The following ZBTB7B variants were observed in gnomAD, a reference collection of about 807,000 sequenced individuals.
ZBTB7B encodes zinc finger and BTB domain-containing protein 7B.
In ZBTB7B, 8 loss-of-function variants were observed where a neutral mutation model predicts 31.0. The ratio of observed to expected loss-of-function variants is 0.26; its 90% CI spans 0.15 to 0.47. The LOEUF is 0.47. Ranked by LOEUF, ZBTB7B falls within the 20% of genes least tolerant of loss-of-function variation. The pLI is 0.99. For synonymous variants in ZBTB7B, 261 were observed against 307.3 expected (o/e 0.85, Z 1.58); for missense variants, 494 against 742.4 (o/e 0.67, Z 3.89).
chr1:155,007,130 C>A (rs115792617), intron 1 of ZBTB7B, among the ~76,000 whole-genome samples: 118 of 152,362 alleles, frequency 7.7e-4, no homozygotes, highest in Non-Finnish European at 2.5e-4. Flanking sequence ...TGCATCCCCC[C>A]ACTTTATTCT....
Position 155,015,577 on chromosome 1 carries a change from A to G in ZBTB7B, c.917A>G (p.Asp306Gly). The stretch of plus-strand genomic sequence containing the variant: ...CTGTCCCCAGAGGAGCTGGGCTCAG[A>G]TGAGGATGCCATCGATCCTGACCTG... ...PPLSPEELGS[D>G]EDAIDPDLMA... Residue 306 changes from aspartate to glycine, a missense_variant, in exon 2 of 3, where the codon GAT becomes GGT. Transcript: ENST00000535420. 1 of 1,613,760 alleles carries G rather than the reference A, an allele frequency of 6.2e-7. No individual in the cohort carries two copies. Among genetic ancestry groups the G allele is most frequent in the Non-Finnish European group, 8.5e-7 (1 of 1,179,932 alleles).
rs776925178 is a variant in ZBTB7B, at chr1:155,016,603, C to G, written c.1538C>G (p.Ser513Cys). ...TCAGCCCCCACTGGGCCCCCGGTCT[C>G]TACCCCAGGGCCCCCTGATGACGAT... ...EQSAPTGPPV[S>C]TPGPPDDDEE... Residue 513 changes from serine (S) to cysteine (C), a missense_variant, in exon 3 of 3, where the codon TCT becomes TGT. Physicochemically the swap from Ser to Cys is moderately radical, Grantham distance 112. Transcript: ENST00000535420. The surrounding 1 kb of genome is among the most constrained non-coding windows in gnomAD (Gnocchi z 4.3). 2 of 1,612,912 alleles carry G rather than the reference C, an allele frequency of 1.2e-6. No individual in the cohort carries two copies. The highest frequency in any genetic ancestry group is 2.2e-5 in the East Asian group (1 of 44,876).
chr1:155,016,669 C>T lies in ZBTB7B; in HGVS notation c.1604C>T (p.Ala535Val). 3 of 1,549,202 alleles carry T rather than the reference C, an allele frequency of 1.9e-6. No homozygotes were observed. Among genetic ancestry groups the T allele is most frequent in the South Asian group, 1.2e-5 (1 of 81,706 alleles). Residue 535 changes from alanine (A) to valine (V), a missense_variant, in exon 3 of 3, where the codon GCC (alanine) becomes GTC (valine). Ala to Val is a moderately conservative substitution (Grantham distance 64). Around this residue, in one of 5 missense-constraint regions of ZBTB7B, gnomAD observed 101 missense variants for 119.5 expected, o/e 0.85. Coordinates refer to ENST00000535420, the MANE Select transcript of ZBTB7B (RefSeq NM_001256455.2). The surrounding 1 kb of genome is among the most constrained non-coding windows in gnomAD (Gnocchi z 4.3). ...GAPTTPQAEG[A>V]MESS ...CCCACCACACCCCAGGCTGAAGGTG[C>T]CATGGAGTCCTCTTAAAGAGGGACG... is the stretch of plus-strand genomic sequence containing the variant.
rs1235339883 is a variant in ZBTB7B at position 155,003,303 on chromosome 1, C to T, written c.-7+360C>T. 5.3e-5 allele frequency among the ~76,000 whole-genome samples: 8 copies of T among 152,190 alleles called. No homozygotes were observed. Among genetic ancestry groups the T allele is most frequent in the African/African-American group, 1.2e-4 (5 of 41,444 alleles). On this transcript the variant is annotated intron_variant, in intron 1 of 2. Coordinates refer to ENST00000535420, the MANE Select transcript of ZBTB7B (RefSeq NM_001256455.2). The surrounding 1 kb of genome is among the most constrained non-coding windows in gnomAD (Gnocchi z 5.8). ...GTGACTTTAGGGGGAGACCCCAGAC[C>T]GGACTGAGTTGAGGGAATGGAAACG...
At chr1:155,012,858 T>A (rs527696538) in intron 1 of ZBTB7B, among the ~76,000 whole-genome samples, 1 of 138,532 alleles carries the variant, frequency 7.2e-6, no homozygotes, top group South Asian at 2.3e-4. Context: ...TCTGAACAGC[T>A]GCTGGAGTGG....
intron 1 of ZBTB7B, among the ~76,000 whole-genome samples, chr1:155,009,663 G>A (rs538652024): frequency 7.2e-5 from 11 of 151,860 alleles, no homozygotes; most frequent in African/African-American, 2.4e-4. Flanking sequence ...CTCCCCAACT[G>A]GCTCCCAAAT....
chr1:155,011,096 C>G, intron 1 of ZBTB7B: 1 of 1,227,304 alleles, frequency 8.1e-7, no homozygotes, highest in Non-Finnish European at 1.1e-6. Flanking sequence ...GCTGCTAATC[C>G]TGGTTCCGCC....
At chr1:155,001,982 C>A (rs1658248498), upstream of ZBTB7B, among the ~76,000 whole-genome samples, 1 of 151,686 alleles carries the variant, frequency 6.6e-6, no homozygotes, top group East Asian at 1.9e-4. The surrounding 1 kb of genome is among the most constrained non-coding windows in gnomAD (Gnocchi z 4.8). Flanking sequence ...CCCCAATTCA[C>A]CCCCACCCAG....
rs1474249555 is a variant in ZBTB7B at position 155,003,600 on chromosome 1, C to T, written c.-7+657C>T. 6.6e-6 allele frequency among the ~76,000 whole-genome samples: 1 copy of T among 152,182 alleles called. No homozygotes were observed. Among genetic ancestry groups the T allele is most frequent in the Non-Finnish European group, 1.5e-5 (1 of 68,020 alleles). On this transcript the variant is annotated intron_variant, in intron 1 of 2. Transcript: ENST00000535420. This position sits in a 1 kb window ranked among gnomAD's most constrained non-coding sequence, Gnocchi z 5.8. The stretch of plus-strand genomic sequence containing the variant: ...AATCCCACTCCCTTCCTTCAGGCTC[C>T]AGTCCCGCCGCTACCTTTTCCACGC...
Position 155,004,042 on chromosome 1 carries a change from A to G in ZBTB7B, c.-7+1099A>G, listed in dbSNP as rs113405739. Among the ~76,000 whole-genome samples, 6,118 of 152,096 alleles carry G rather than the reference A, an allele frequency of 0.04. 130 individuals are homozygous for G. Among genetic ancestry groups the G allele is most frequent in the Middle Eastern group, 0.082 (24 of 294 alleles). On this transcript the variant is annotated intron_variant, in intron 1 of 2. Coordinates refer to ENST00000535420, the MANE Select transcript of ZBTB7B (RefSeq NM_001256455.2). The surrounding 1 kb of genome is among the most constrained non-coding windows in gnomAD (Gnocchi z 4.0). ...CCACGTATCAAAGGGCGGCTGAGACATGGTGAGACCTCGGGGCGCCCTGGG... is the reference window on the plus strand; with the variant it reads ...CCACGTATCAAAGGGCGGCTGAGACGTGGTGAGACCTCGGGGCGCCCTGGG...
chr1:155,005,725 A>G (rs1012941437), intron 1 of ZBTB7B, among the ~76,000 whole-genome samples: 1 of 152,212 alleles, frequency 6.6e-6, no homozygotes, highest in Non-Finnish European at 1.5e-5. Flanking sequence ...AGGTGGGGAC[A>G]GGCAGATGGA....
chr1:155,015,938 G>GAC, intron 2 of ZBTB7B, 124 bp downstream of exon 2: 1 of 1,266,094 alleles, frequency 7.9e-7, no homozygotes, highest in South Asian at 1.5e-5. Flanking sequence ...TGGGGCATGG[G>GAC]TGGGTTACTG....
intron 1 of ZBTB7B, among the ~76,000 whole-genome samples, chr1:155,009,087 G>A (rs1571512988): frequency 1.3e-5 from 2 of 152,364 alleles, no homozygotes. Flanking sequence ...GTCAGGAAGA[G>A]GGTGCCCAGA....
At chr1:155,007,625 G>T (rs1658641199) in intron 1 of ZBTB7B, among the ~76,000 whole-genome samples, 2 of 152,212 alleles carry the variant, frequency 1.3e-5, no homozygotes, top group South Asian at 4.1e-4. Context: ...CAGGGTCTTA[G>T]GCCTTATCTG....
upstream of ZBTB7B, chr1:155,002,668 A>G (rs1658306822): frequency 9.8e-6 from 1 of 101,864 alleles, no homozygotes; most frequent in Non-Finnish European, 1.9e-5. Flanking sequence ...GCTGGAGGAC[A>G]GGTGAGACAG....
In ZBTB7B at chr1:155,011,087, C is replaced by T. The variant is rs959236592; in HGVS notation, c.-6-3568C>T. On this transcript the variant is annotated intron_variant, in intron 1 of 2. Coordinates refer to ENST00000535420, the MANE Select transcript of ZBTB7B (RefSeq NM_001256455.2). ...CCCAGGCCCATATCTATTTTCTCTG[C>T]TGCTAATCCTGGTTCCGCCTGCTGC... is the stretch of plus-strand genomic sequence containing the variant. The T allele has an allele frequency of 1.1e-4, 145 of 1,304,806 alleles. 1 individual carries two copies. Among genetic ancestry groups the T allele is most frequent in the Non-Finnish European group, 4.7e-5 (44 of 939,784 alleles). 80.8% of individuals were successfully genotyped at this position (1,304,806 alleles called of 1,614,324 possible).
rs1414645321 is a variant in ZBTB7B at position 155,017,557 on chromosome 1, C to T, written c.*872C>T. The T allele has an allele frequency of 6.4e-6, 1 of 155,046 alleles. No individual in the cohort carries two copies. The highest frequency in any genetic ancestry group is 1.4e-5 in the Non-Finnish European group (1 of 70,260). The allele number at this position is 155,046 out of a possible 1,614,324, so 9.6% of individuals were successfully genotyped here. On this transcript the variant is annotated 3_prime_UTR_variant, in exon 3 of 3. Transcript: ENST00000535420. ...CCCAGGTGCGAGCCGGAGCCGCCGC[C>T]ACCGCTGCCGCCCCTGACTCACGCC... is the stretch of plus-strand genomic sequence containing the variant.
In ZBTB7B at chr1:155,016,527, A is replaced by G. The variant is rs1445763558; in HGVS notation, c.1462A>G (p.Asn488Asp). The G allele has an allele frequency of 1.2e-6, 2 of 1,613,870 alleles. No individual in the cohort carries two copies. Among genetic ancestry groups the G allele is most frequent in the Non-Finnish European group, 1.7e-6 (2 of 1,179,950 alleles). Reference protein sequence around the residue: ...AASPAGLDLSNGHLDTFRLSL... With the variant: ...AASPAGLDLSDGHLDTFRLSL... ...ATCCCCCGCTGGCCTCGACCTCTCC[A>G]ATGGCCACCTGGACACCTTCCGCCT... Residue 488 changes from asparagine to aspartate, a missense_variant, in exon 3 of 3, where the codon AAT (asparagine) becomes GAT (aspartate). By Grantham distance (23) the Asn-to-Asp change is conservative. This residue lies in a region of ZBTB7B where 101 missense variants were observed against 119.5 expected (regional missense o/e 0.85). Transcript: ENST00000535420. The surrounding 1 kb of genome is among the most constrained non-coding windows in gnomAD (Gnocchi z 4.3).
At chr1:155,005,857 C>A (rs1377741740) in intron 1 of ZBTB7B, among the ~76,000 whole-genome samples, 2 of 152,202 alleles carry the variant, frequency 1.3e-5, no homozygotes, top group African/African-American at 4.8e-5. Flanking sequence ...CCCCCTCCCC[C>A]CCACTCTTGC....
Sources: allele counts gnomAD v4.1 joint callset (sites outside exome capture counted in the v4.1 genomes callset), GRCh38; gene constraint gnomAD v4.1.1; regional missense constraint gnomAD v4.1.1; non-coding constraint Gnocchi (gnomAD v3.1); transcripts MANE v1.5; gene names NCBI Gene and HGNC (gene_info 2026-07-23, HGNC 2026-07-21).